ARMC2: variants seen among roughly 807,000 people sequenced by gnomAD.
ARMC2 encodes armadillo repeat-containing protein 2.
In ARMC2, 67 loss-of-function variants were observed where a neutral mutation model predicts 90.3. The observed-to-expected ratio is 0.74, with a 90% CI of 0.61 to 0.91. The LOEUF is 0.91. Ranked by LOEUF, ARMC2 falls within the 40% of genes least tolerant of loss-of-function variation. The probability of loss-of-function intolerance (pLI) is 0.00; values close to 1 mark genes in which losing one functional copy is unlikely to be tolerated. For synonymous variants in ARMC2, 393 were observed against 393.0 expected (o/e 1.00, Z 0.00); for missense variants, 920 against 1,030.9 (o/e 0.89, Z 1.47).
At chr6:108,956,233 T>C (rs954311457) in intron 13 of ARMC2, among the ~76,000 whole-genome samples, 2 of 151,648 alleles carry the variant, frequency 1.3e-5, no homozygotes, top group African/African-American at 4.8e-5. Context: ...AGCCAAGGAG[T>C]AGAGTTATGC....
At chr6:109,008,192 A>T in the ARMC2 span, among the ~76,000 whole-genome samples, 1 of 152,234 alleles carries the variant, frequency 6.6e-6, no homozygotes, top group Non-Finnish European at 1.5e-5. Flanking sequence ...AGCAAGAACC[A>T]GGACTCTGCA....
At chr6:108,875,610 C>T (rs976966643) in intron 4 of ARMC2, among the ~76,000 whole-genome samples, 15 of 152,166 alleles carry the variant, frequency 9.9e-5, no homozygotes, top group African/African-American at 3.4e-4. Context: ...TTATACTTTG[C>T]TTTTTTTCCA....
intron 1 of ARMC2, 85 bp downstream of exon 1, chr6:108,848,631 C>G (rs1267873262): frequency 1.3e-5 from 2 of 152,582 alleles, no homozygotes; most frequent in South Asian, 2.1e-4. Flanking sequence ...CTGCAGCGGC[C>G]TGGCCCTGCG....
chr6:108,952,980 C>T (rs35806509), intron 12 of ARMC2, 53 bp from the exon 13 acceptor site: 20 of 1,451,302 alleles, frequency 1.4e-5, no homozygotes, highest in African/African-American at 2.8e-5. Context: ...TTCTTCCCCA[C>T]GATGTGTTCC....
At chr6:109,022,362 A>G in the ARMC2 span, among the ~76,000 whole-genome samples, 4 of 146,072 alleles carry the variant, frequency 2.7e-5, no homozygotes, top group Non-Finnish European at 6.0e-5. Flanking sequence ...TCGATTTGAT[A>G]TTAATAGAAT....
At chr6:108,979,583 G>T in the ARMC2 span, among the ~76,000 whole-genome samples, 7 of 152,108 alleles carry the variant, frequency 4.6e-5, no homozygotes, top group African/African-American at 1.7e-4. Context: ...ATCCTGAAGA[G>T]TATTTTCCAA....
At chr6:108,983,995 G>A in the ARMC2 span, among the ~76,000 whole-genome samples, 1 of 152,214 alleles carries the variant, frequency 6.6e-6, no homozygotes, top group Non-Finnish European at 1.5e-5. Context: ...ATTACTGCCT[G>A]AGCTCTGCCT....
At chr6:109,000,381 G>A in the ARMC2 span, 10 of 749,992 alleles carry the variant, frequency 1.3e-5, no homozygotes, top group South Asian at 1.0e-4. Flanking sequence ...AGAGATTCAG[G>A]GGGTAGAAAA....
chr6:108,997,462 C>A, the ARMC2 span, among the ~76,000 whole-genome samples: 1 of 152,292 alleles, frequency 6.6e-6, no homozygotes, highest in South Asian at 2.1e-4. Flanking sequence ...TGGTCTTTGG[C>A]AGTCCTATGA....
chr6:108,858,179 T>C lies in ARMC2; in HGVS notation c.219-20T>C, dbSNP rs1774847751. On this transcript the variant is annotated intron_variant, in intron 2 of 17. Transcript: ENST00000392644. ...AATAATTCTTCACAAACTAACACTC[T>C]GCACCATCTTTTATGCTAGCCTCCA... The C allele has an allele frequency of 4.4e-6, 7 of 1,593,862 alleles. No individual in the cohort carries two copies. Among genetic ancestry groups the C allele is most frequent in the Non-Finnish European group, 6.0e-6 (7 of 1,163,634 alleles).
At chr6:108,851,520 A>G (rs746495187) in intron 1 of ARMC2, among the ~76,000 whole-genome samples, 4 of 152,124 alleles carry the variant, frequency 2.6e-5, no homozygotes, top group Non-Finnish European at 5.9e-5. Context: ...CTCTGTGTGA[A>G]TGGGTTAATA....
intron 16 of ARMC2, among the ~76,000 whole-genome samples, chr6:108,964,771 C>T (rs1778247195): frequency 6.6e-6 from 1 of 150,800 alleles, no homozygotes; most frequent in Admixed American, 6.6e-5. Context: ...GCCTGGGCAA[C>T]AGAGTGAGAC....
chr6:109,008,323 C>A, the ARMC2 span, among the ~76,000 whole-genome samples: 1 of 152,166 alleles, frequency 6.6e-6, no homozygotes, highest in African/African-American at 2.4e-5. Flanking sequence ...TAATTCAATA[C>A]TTTCATACTG....
the ARMC2 span, chr6:108,990,652 C>G: frequency 6.2e-7 from 1 of 1,613,894 alleles, no homozygotes; most frequent in Non-Finnish European, 8.5e-7. Flanking sequence ...AACCTTATTC[C>G]AAACATGCAG....
rs763154702 is a variant in ARMC2, at chr6:108,928,111, G to C, written c.1374G>C (p.Leu458Phe). 6 of 1,606,702 alleles carry C rather than the reference G, an allele frequency of 3.7e-6. No homozygotes were observed. The highest frequency in any genetic ancestry group is 5.1e-6 in the Non-Finnish European group (6 of 1,177,946). The change falls in exon 11 of 18, where the codon TTG becomes TTC. Residue 458 changes from leucine to phenylalanine, a missense_variant. Leu to Phe is a conservative substitution (Grantham distance 22, BLOSUM62 0). Transcript: ENST00000392644. ...LVQVTATLRNLVDSSLVRSKF... is the reference protein window; with the variant it reads ...LVQVTATLRNFVDSSLVRSKF... ...AGGTGACTGCTACATTGAGAAACTT[G>C]GTTGATTCATCATTAGTAAGAAGTA... is the stretch of plus-strand genomic sequence containing the variant.
At chr6:108,858,440 G>T (rs566350526) in intron 3 of ARMC2, among the ~76,000 whole-genome samples, 169 bp downstream of exon 3, 5 of 151,676 alleles carry the variant, frequency 3.3e-5, no homozygotes, top group African/African-American at 9.7e-5. Context: ...AAATGTAATG[G>T]GTAATATCTA....
At chr6:109,049,284 A>G in the ARMC2 span, among the ~76,000 whole-genome samples, 1 of 152,222 alleles carries the variant, frequency 6.6e-6, no homozygotes, top group Non-Finnish European at 1.5e-5. Flanking sequence ...ACAGAAAGTT[A>G]AACATCGTAT....
Position 108,973,343 on chromosome 6 carries a change from T to A in ARMC2, c.2447-14T>A. On this transcript the variant is annotated splice_polypyrimidine_tract_variant and intron_variant, in intron 17 of 17. Transcript: ENST00000392644. ...TTTCTAAATAATGCTGTAATTTAAATTTTTCTAATACAGATGAAGAACTAG... is the reference window on the plus strand; with the variant it reads ...TTTCTAAATAATGCTGTAATTTAAAATTTTCTAATACAGATGAAGAACTAG... 6.3e-7 allele frequency: 1 copy of A among 1,593,772 alleles called. No individual in the cohort carries two copies. The highest frequency in any genetic ancestry group is 1.1e-5 in the South Asian group (1 of 88,886).
At chr6:108,939,506 G>A (rs1452328556) in intron 12 of ARMC2, among the ~76,000 whole-genome samples, 1 of 152,118 alleles carries the variant, frequency 6.6e-6, no homozygotes, top group African/African-American at 2.4e-5. Context: ...GCTCTGGCAT[G>A]TAAGATGTGC....
Sources: allele counts gnomAD v4.1 joint callset (sites outside exome capture counted in the v4.1 genomes callset), GRCh38; gene constraint gnomAD v4.1.1; transcripts MANE v1.5; gene names NCBI Gene and HGNC (gene_info 2026-07-23, HGNC 2026-07-21).